Variants in FRMPD2 observed in about 807,000 individuals in gnomAD.
FRMPD2 encodes FERM and PDZ domain-containing protein 2.
In FRMPD2, 96 loss-of-function variants were observed where a neutral mutation model predicts 140.1. The ratio of observed to expected loss-of-function variants is 0.69; its 90% CI spans 0.58 to 0.81. The LOEUF is 0.81. Ranked by LOEUF, FRMPD2 falls within the 40% of genes least tolerant of loss-of-function variation. The probability of loss-of-function intolerance (pLI) is 0.00; values close to 1 mark genes in which losing one functional copy is unlikely to be tolerated. For synonymous variants in FRMPD2, 449 were observed against 547.6 expected (o/e 0.82, Z 2.52); for missense variants, 1,240 against 1,447.4 (o/e 0.86, Z 2.32).
At chr10:48,250,559 C>G (rs945093670) in intron 2 of FRMPD2, among the ~76,000 whole-genome samples, 2 of 152,086 alleles carry the variant, frequency 1.3e-5, no homozygotes, top group African/African-American at 4.8e-5. Flanking sequence ...CGCCACCACG[C>G]CCGGCTAATA....
chr10:48,173,936 G>A (rs1165216778), intron 24 of FRMPD2, among the ~76,000 whole-genome samples: 18 of 152,294 alleles, frequency 1.2e-4, no homozygotes, highest in African/African-American at 4.3e-4. Flanking sequence ...CAGGATCCCA[G>A]AGGGACAATT....
At chr10:48,250,963 A>ATTT (rs113989363) in intron 2 of FRMPD2, among the ~76,000 whole-genome samples, 24 of 143,444 alleles carry the variant, frequency 1.7e-4, no homozygotes, top group African/African-American at 5.0e-4. Flanking sequence ...TACCTGGCAA[A>ATTT]TTTTTTTTTT....
In FRMPD2 at chr10:48,242,170, GGT is replaced by G; in HGVS notation, c.556_557del (p.Thr186HisfsTer3). ...ACGGTTCTCTACTGACCTCAGAAATGGTACCCAGAACCAAGCCAACCAGCCTT... is the reference window on the plus strand; with the variant it reads ...ACGGTTCTCTACTGACCTCAGAAATGACCCAGAACCAAGCCAACCAGCCTT... ...IRRLVGLVLG[T>X]ISEVEKRVVE... is the part of the protein sequence containing the mutation. On this transcript the variant is annotated frameshift_variant, in exon 5 of 29. Coordinates refer to ENST00000374201, the MANE Select transcript of FRMPD2 (RefSeq NM_001018071.4). LOFTEE classifies it high-confidence loss of function. 6.2e-7 allele frequency: 1 copy of G among 1,611,806 alleles called. No homozygotes were observed. Among genetic ancestry groups the G allele is most frequent in the Non-Finnish European group, 8.5e-7 (1 of 1,178,614 alleles).
At chr10:48,252,499 T>A (rs1840407813) in intron 1 of FRMPD2, among the ~76,000 whole-genome samples, 1 of 152,118 alleles carries the variant, frequency 6.6e-6, no homozygotes, top group African/African-American at 2.4e-5. Context: ...GGGTGTGCAG[T>A]GTCGGGCGCT....
At chr10:48,174,005 G>A (rs1168744775) in intron 24 of FRMPD2, among the ~76,000 whole-genome samples, 1 of 152,250 alleles carries the variant, frequency 6.6e-6, no homozygotes, top group African/African-American at 2.4e-5. Context: ...ATGCTCATTA[G>A]CAAAGGTCTA....
At chr10:48,239,485 G>T in intron 7 of FRMPD2, 120 bp downstream of exon 7, 2 of 646,618 alleles carry the variant, frequency 3.1e-6, no homozygotes, top group Non-Finnish European at 2.7e-6. Flanking sequence ...GAATAGCATT[G>T]GCATTTTCTG....
At position 48,206,747 on chromosome 10, in the gene FRMPD2, C is replaced by T. The variant is rs1588829285; in HGVS notation, c.1797+1G>A. ...TTATTTATCAACTGAGCTACACTCA[C>T]ATAAGTAGAAATCTTCCCGGTTTCT... On this transcript the variant is annotated splice_donor_variant, in intron 14 of 28. Transcript: ENST00000374201. LOFTEE classifies it high-confidence loss of function. 6.2e-7 allele frequency: 1 copy of T among 1,613,100 alleles called. No individual in the cohort carries two copies.
At chr10:48,238,475 T>C (rs1163630414) in intron 7 of FRMPD2, among the ~76,000 whole-genome samples, 2 of 152,226 alleles carry the variant, frequency 1.3e-5, no homozygotes, top group South Asian at 2.1e-4. Flanking sequence ...GAATTTGATA[T>C]GTTGTTCAAA....
chr10:48,233,791 C>T (rs1292770539), intron 9 of FRMPD2, among the ~76,000 whole-genome samples: 1 of 152,148 alleles, frequency 6.6e-6, no homozygotes, highest in African/African-American at 2.4e-5. Flanking sequence ...CCCCTTCATC[C>T]TCCCCACACA....
intron 8 of FRMPD2, among the ~76,000 whole-genome samples, chr10:48,237,375 C>G (rs1313936988): frequency 6.6e-6 from 1 of 152,130 alleles, no homozygotes; most frequent in Non-Finnish European, 1.5e-5. Flanking sequence ...ACGCCCTCCA[C>G]CAAGTTCATG....
chr10:48,220,997 T>C (rs192196603), intron 12 of FRMPD2, among the ~76,000 whole-genome samples: 1 of 152,326 alleles, frequency 6.6e-6, no homozygotes, highest in African/African-American at 2.4e-5. Context: ...GGTGGGAATG[T>C]AAGCTAGTAC....
rs146726612 is a variant in FRMPD2, at chr10:48,251,566, C to T, written c.151G>A (p.Asp51Asn). ...TGACTGCCCCCAAACACTCTCTTAC[C>T]GTTGCGGAGGTCTTCCAGGAGCTGC... ...AEQLLEDLRN[D>N]SSDYVVCPWS... is the part of the protein sequence containing the mutation. The change falls in exon 2 of 29, where the codon GAT becomes AAT. Residue 51 changes from aspartate (D) to asparagine (N), a missense_variant and splice_region_variant. Physicochemically the swap from Asp to Asn is conservative, Grantham distance 23 (BLOSUM62 1). Around this residue, in one of 6 missense-constraint regions of FRMPD2, gnomAD observed 1,161 missense variants for 1,055.9 expected, o/e 1.10. Transcript: ENST00000374201. 2.0e-5 allele frequency: 32 copies of T among 1,613,604 alleles called. No individual in the cohort carries two copies. The African/African-American group carries it at 3.2e-4, about 16-fold the overall frequency.
rs778585057 is a variant in FRMPD2, at chr10:48,201,283, G to A, written c.1899C>T (p.Ala633=). The change falls in exon 15 of 29, where the codon GCC becomes GCT. Residue 633 remains alanine, a synonymous_variant. Transcript: ENST00000374201. ...TSKYLLDLCS[A]QHGFNAQMGS... ...CCATCTGTGCATTAAACCCATGCTG[G>A]GCTGAGCAGAGGTCCAGTAAGTATT... The A allele has an allele frequency of 2.6e-5, 42 of 1,613,690 alleles. No homozygotes were observed. Among genetic ancestry groups the A allele is most frequent in the Middle Eastern group, 1.6e-4 (1 of 6,076 alleles).
At chr10:48,225,710 T>C (rs1564431467) in intron 10 of FRMPD2, among the ~76,000 whole-genome samples, 1 of 152,166 alleles carries the variant, frequency 6.6e-6, no homozygotes, top group Non-Finnish European at 1.5e-5. Flanking sequence ...CAAAACCTGG[T>C]GTTAGAGATG....
At chr10:48,212,665 A>G (rs925144526) in intron 12 of FRMPD2, among the ~76,000 whole-genome samples, 2 of 152,152 alleles carry the variant, frequency 1.3e-5, no homozygotes, top group Non-Finnish European at 2.9e-5. Flanking sequence ...CTTTGGCATC[A>G]TTGCTGCACA....
At chr10:48,251,507 G>C in intron 2 of FRMPD2, 59 bp downstream of exon 2, 2 of 1,600,334 alleles carry the variant, frequency 1.2e-6, no homozygotes, top group Non-Finnish European at 1.7e-6. Context: ...AACTGTGTTT[G>C]TGTGGGAAGC....
chr10:48,267,084 A>T (rs1449565201), intron 1 of FRMPD2, among the ~76,000 whole-genome samples: 1 of 152,204 alleles, frequency 6.6e-6, no homozygotes, highest in African/African-American at 2.4e-5. Context: ...ATCAGGGAAC[A>T]TCTGCTAAAA....
chr10:48,228,850 CAAAT>C (rs762262706), intron 10 of FRMPD2, among the ~76,000 whole-genome samples: 3 of 151,302 alleles, frequency 2.0e-5, no homozygotes, highest in African/African-American at 4.9e-5. Flanking sequence ...TGCTTCAAAA[CAAAT>C]AAATAAAGAA....
At chr10:48,184,450 T>G in intron 20 of FRMPD2, 116 bp downstream of exon 20, 1 of 671,836 alleles carries the variant, frequency 1.5e-6, no homozygotes, top group Non-Finnish European at 2.6e-6. Context: ...GCCAACACCA[T>G]GAGGAAAGCA....
Sources: gnomAD v4.1 joint callset for allele counts (sites outside exome capture counted in the v4.1 genomes callset) on GRCh38, gnomAD v4.1.1 for gene constraint, gnomAD v4.1.1 regional missense constraint, MANE v1.5 for transcripts, NCBI Gene and HGNC (gene_info 2026-07-23, HGNC 2026-07-21) for gene names.